The following MIPOL1 variants were observed in gnomAD, a reference collection of about 807,000 sequenced individuals.
MIPOL1 encodes mirror-image polydactyly gene 1 protein.
A neutral mutation model predicts 60.9 loss-of-function variants in MIPOL1; 57 were observed. The ratio of observed to expected loss-of-function variants is 0.94; its 90% CI spans 0.76 to 1.17. The LOEUF (loss-of-function observed/expected upper bound fraction) is 1.17. Among genes scored for constraint, MIPOL1 ranks in the 50% most tolerant of loss-of-function variants. MIPOL1 has a pLI of 0.00. For missense variants in MIPOL1, 551 were observed against 511.6 expected, an observed-to-expected ratio of 1.08 and a Z score of -0.74; for synonymous variants, 179 against 168.8, an observed-to-expected ratio of 1.06 and a Z score of -0.47.
rs987979606 is a variant in MIPOL1 at position 37,549,801 on chromosome 14, G to C, written c.*2830G>C. 7.9e-5 allele frequency: 12 copies of C among 151,858 alleles called. No homozygotes were observed. The highest frequency in any genetic ancestry group is 2.9e-5 in the Non-Finnish European group (2 of 67,840). The allele number at this position is 151,858 out of a possible 1,614,324, so 9.4% of individuals were successfully genotyped here. A position where few individuals can be genotyped will look rare whatever the true frequency, so the allele number is the denominator to read the frequency against. ...TATAGTGGCAGTATGCTTTGCCTCA[G>C]CCTTCACTAATTAGGAATATTGTGA... On this transcript the variant is annotated 3_prime_UTR_variant, in exon 13 of 13. Coordinates refer to ENST00000684589, the MANE Select transcript of MIPOL1 (RefSeq NM_001388067.1).
At chr14:37,508,206 G>A (rs1462591068) in intron 12 of MIPOL1, among the ~76,000 whole-genome samples, 2 of 152,028 alleles carry the variant, frequency 1.3e-5, no homozygotes, top group East Asian at 3.9e-4. Context: ...GTATTCCAGG[G>A]AATTTAAAAT....
chr14:37,485,108 CTTGTG>C (rs2094927620), intron 11 of MIPOL1, among the ~76,000 whole-genome samples: 2 of 152,058 alleles, frequency 1.3e-5, no homozygotes, highest in Non-Finnish European at 2.9e-5. Flanking sequence ...GTTTTCTGTT[CTTGTG>C]TTAGTTTGCT....
chr14:37,536,766 C>G (rs1021947077), intron 12 of MIPOL1, among the ~76,000 whole-genome samples: 5 of 152,090 alleles, frequency 3.3e-5, no homozygotes, highest in Admixed American at 3.3e-4. Flanking sequence ...ATGACTAGCC[C>G]AAACAATTGT....
chr14:37,224,817 T>C lies in MIPOL1; in HGVS notation c.-198-22286T>C, dbSNP rs10129329. On this transcript the variant is annotated intron_variant, in intron 1 of 12. Transcript: ENST00000684589. ...TCATCATTAACTCAAATGTCCACAG[T>C]CCAAAGCCTTAACTGTTACAAGGAA... is the stretch of plus-strand genomic sequence containing the variant. 9.9e-3 allele frequency among the ~76,000 whole-genome samples: 1,509 copies of C among 152,224 alleles called. 21 individuals are homozygous for C. Among genetic ancestry groups the C allele is most frequent in the African/African-American group, 0.035 (1,438 of 41,510 alleles).
intron 10 of MIPOL1, among the ~76,000 whole-genome samples, chr14:37,407,476 CAT>C (rs2093606599): frequency 6.6e-6 from 1 of 152,034 alleles, no homozygotes; most frequent in South Asian, 2.1e-4. Context: ...TATAATTAGT[CAT>C]ATTTACCTTT....
In MIPOL1 at chr14:37,274,369, T is replaced by A. The variant is rs181446603; in HGVS notation, c.493+3844T>A. Among the ~76,000 whole-genome samples the A allele has an allele frequency of 1.9e-3, 295 of 151,532 alleles. 1 individual carries two copies. Among genetic ancestry groups the A allele is most frequent in the African/African-American group, 6.6e-3 (275 of 41,500 alleles). On this transcript the variant is annotated intron_variant, in intron 6 of 12. Transcript: ENST00000684589. ...CATGTTAAAATCTCTGATGGTTGACTACCTTTCTTTTCCTTTCTCACATCA... is the reference window on the plus strand; with the variant it reads ...CATGTTAAAATCTCTGATGGTTGACAACCTTTCTTTTCCTTTCTCACATCA...
intron 10 of MIPOL1, among the ~76,000 whole-genome samples, chr14:37,373,539 G>A (rs1195565579): frequency 2.0e-5 from 3 of 150,904 alleles, no homozygotes; most frequent in Admixed American, 6.6e-5. Context: ...CTCCCCTAGC[G>A]CCCCAACCCC....
intron 3 of MIPOL1, among the ~76,000 whole-genome samples, chr14:37,262,381 C>G (rs1246034025): frequency 4.0e-5 from 6 of 151,742 alleles, no homozygotes; most frequent in Admixed American, 3.9e-4. Context: ...GTAGAAATTC[C>G]ATCATCACAT....
At chr14:37,360,686 C>T (rs1009601596) in intron 9 of MIPOL1, among the ~76,000 whole-genome samples, 9 of 151,930 alleles carry the variant, frequency 5.9e-5, no homozygotes, top group Admixed American at 1.3e-4. Flanking sequence ...TTTTTTATTG[C>T]GTCTGTTTGA....
At chr14:37,364,526 T>C (rs2092403666) in intron 9 of MIPOL1, among the ~76,000 whole-genome samples, 1 of 152,162 alleles carries the variant, frequency 6.6e-6, no homozygotes, top group African/African-American at 2.4e-5. Flanking sequence ...TGTTAAAAAT[T>C]AGTTCACTGT....
intron 10 of MIPOL1, among the ~76,000 whole-genome samples, chr14:37,385,967 C>T (rs1595525350): frequency 6.6e-6 from 1 of 151,894 alleles, no homozygotes; most frequent in South Asian, 2.1e-4. Flanking sequence ...ATATCTTTTG[C>T]TTTATAGGAG....
chr14:37,381,300 T>C (rs1295068593), intron 10 of MIPOL1, among the ~76,000 whole-genome samples: 1 of 152,058 alleles, frequency 6.6e-6, no homozygotes, highest in Non-Finnish European at 1.5e-5. Flanking sequence ...AGTTTAAAAG[T>C]AGAAAAATGT....
chr14:37,230,353 C>T (rs919439414), intron 1 of MIPOL1, among the ~76,000 whole-genome samples: 28 of 152,238 alleles, frequency 1.8e-4, no homozygotes, highest in African/African-American at 4.6e-4. Context: ...TGTTGAGAAA[C>T]GCTGCTTCTG....
At chr14:37,360,528 T>G (rs2092163177) in intron 9 of MIPOL1, among the ~76,000 whole-genome samples, 1 of 152,236 alleles carries the variant, frequency 6.6e-6, no homozygotes, top group South Asian at 2.1e-4. Flanking sequence ...ATTCAAGTTC[T>G]TCCTGGTTTA....
chr14:37,243,335 G>A (rs1345029447), intron 1 of MIPOL1, among the ~76,000 whole-genome samples: 5 of 152,134 alleles, frequency 3.3e-5, no homozygotes, highest in Non-Finnish European at 5.9e-5. Flanking sequence ...GGAAGAGAAC[G>A]TGTCAGGGGC....
In MIPOL1 at chr14:37,482,049, A is replaced by G. The variant is rs141558740; in HGVS notation, c.1032-17859A>G. Among the ~76,000 whole-genome samples, 29 of 152,218 alleles carry G rather than the reference A, an allele frequency of 1.9e-4. No homozygotes were observed. In the East Asian group the frequency reaches 5.0e-3, roughly 26 times the overall value. ...TATTGGATCTGACCCCAAAAAGCAT[A>G]GGCAACAAAAGAAAAAAATAGACAG... On this transcript the variant is annotated intron_variant, in intron 11 of 12. Transcript: ENST00000684589.
intron 9 of MIPOL1, among the ~76,000 whole-genome samples, chr14:37,345,776 A>G (rs1475379504): frequency 1.3e-5 from 2 of 152,186 alleles, no homozygotes; most frequent in Non-Finnish European, 2.9e-5. Context: ...AAGTACATAC[A>G]CATAAACACT....
chr14:37,547,168 A>C lies in MIPOL1; in HGVS notation c.*197A>C. 1.8e-6 allele frequency: 1 copy of C among 552,416 alleles called. No individual in the cohort carries two copies. The allele number at this position is 552,416 out of a possible 1,614,324, so 34.2% of individuals were successfully genotyped here. ...CTGCTGACTTGAGTTATTTATCCAA[A>C]TATATTAACTATAGACTTTTACCAA... On this transcript the variant is annotated 3_prime_UTR_variant, in exon 13 of 13. Transcript: ENST00000684589.
In MIPOL1 at chr14:37,233,945, CT is replaced by C. The variant is rs377669147; in HGVS notation, c.-198-13153del. On this transcript the variant is annotated intron_variant, in intron 1 of 12. Transcript: ENST00000684589. ...TTTTGCTTTGACTGGACCACTTTCACTTTTTGGTAGCCATTGCTTTGGTTGG... is the reference window on the plus strand; with the variant it reads ...TTTTGCTTTGACTGGACCACTTTCACTTTTGGTAGCCATTGCTTTGGTTGG... Among the ~76,000 whole-genome samples, 457 of 152,302 alleles carry C rather than the reference CT, an allele frequency of 3.0e-3. 3 individuals carry two copies. Among genetic ancestry groups the C allele is most frequent in the African/African-American group, 0.01 (433 of 41,574 alleles).
Sources: allele counts gnomAD v4.1 joint callset (sites outside exome capture counted in the v4.1 genomes callset), GRCh38; gene constraint gnomAD v4.1.1; transcripts MANE v1.5; gene names NCBI Gene and HGNC (gene_info 2026-07-23, HGNC 2026-07-21).